The following ACADL variants were observed in gnomAD, a reference collection of about 807,000 sequenced individuals.
The protein encoded by ACADL is long-chain specific acyl-CoA dehydrogenase, mitochondrial.
A neutral mutation model predicts 56.9 loss-of-function variants in ACADL; 60 were observed. The observed-to-expected ratio is 1.05, with a 90% CI of 0.86 to 1.31. The LOEUF (loss-of-function observed/expected upper bound fraction) is 1.31. Among genes scored for constraint, ACADL ranks in the 50% most tolerant of loss-of-function variants. The pLI, the probability that ACADL is intolerant of heterozygous loss-of-function variation, is 0.00. For missense variants in ACADL, 484 were observed against 525.5 expected (o/e 0.92, Z 0.77); for synonymous variants, 158 against 179.7 (o/e 0.88, Z 0.97).
chr2:210,202,526 G>A (rs1194406719), intron 8 of ACADL, among the ~76,000 whole-genome samples: 5 of 152,088 alleles, frequency 3.3e-5, no homozygotes, highest in Non-Finnish European at 7.4e-5. Flanking sequence ...TCCCTCTCCT[G>A]TTGATGGGAA....
chr2:210,195,408 A>C, intron 8 of ACADL, 70 bp from the exon 9 acceptor site: 1 of 1,469,026 alleles, frequency 6.8e-7, no homozygotes, highest in Non-Finnish European at 9.5e-7. Flanking sequence ...CACTTAACAT[A>C]TCAGAAATTA....
At chr2:210,214,036 A>AATAAG (rs1013930044) in intron 4 of ACADL, among the ~76,000 whole-genome samples, 4 of 151,800 alleles carry the variant, frequency 2.6e-5, no homozygotes, top group African/African-American at 4.8e-5. Flanking sequence ...AAAATAATAA[A>AATAAG]ATAAACATGA....
At chr2:210,202,306 T>C (rs1440673003) in intron 8 of ACADL, among the ~76,000 whole-genome samples, 1 of 152,184 alleles carries the variant, frequency 6.6e-6, no homozygotes, top group East Asian at 1.9e-4. Context: ...TTGGCCACGC[T>C]AGTCTCGAAC....
chr2:210,221,085 T>C (rs943780682), intron 1 of ACADL, among the ~76,000 whole-genome samples: 1 of 152,178 alleles, frequency 6.6e-6, no homozygotes, highest in African/African-American at 2.4e-5. Context: ...CAGGTCTGAC[T>C]TGAGGTGAAA....
chr2:210,222,508 C>CAAAAAAAAAAAAAAAAA (rs797000679), intron 1 of ACADL, among the ~76,000 whole-genome samples: 4 of 81,404 alleles, frequency 4.9e-5, no homozygotes, highest in African/African-American at 3.8e-5. Context: ...AACAAACAAA[C>CAAAAAAAAAAAAAAAAA]AAAAAAAAAA....
Position 210,192,946 on chromosome 2 carries a change from G to A in ACADL, c.1113-56C>T, listed in dbSNP as rs1479493605. The A allele has an allele frequency of 7.9e-6, 11 of 1,391,140 alleles. No individual in the cohort carries two copies. The African/African-American group carries it at 1.1e-4, about 14-fold the overall frequency. 86.2% of individuals were successfully genotyped at this position (1,391,140 alleles called of 1,614,324 possible). ...AATGTTTGAAATGGATTTTCATGAG[G>A]TGCTTCAAAACCAGAAAACTAATTA... is the stretch of plus-strand genomic sequence containing the variant. On this transcript the variant is annotated intron_variant, in intron 9 of 10. Transcript: ENST00000233710.
Position 210,191,545 on chromosome 2 carries a change from A to G in ACADL, c.1199+1259T>C, listed in dbSNP as rs573257795. Among the ~76,000 whole-genome samples, 3 of 152,336 alleles carry G rather than the reference A, an allele frequency of 2.0e-5. No homozygotes were observed. In the East Asian group the frequency reaches 5.8e-4, roughly 29 times the overall value. On this transcript the variant is annotated intron_variant, in intron 10 of 10. Coordinates refer to ENST00000233710, the MANE Select transcript of ACADL (RefSeq NM_001608.4). ...TAAACCACACAAACATTGAGCCACT[A>G]CATAGCTTCTGTTCTTAATGTAATT...
At chr2:210,200,928 A>G (rs1404487127) in intron 8 of ACADL, among the ~76,000 whole-genome samples, 1 of 152,184 alleles carries the variant, frequency 6.6e-6, no homozygotes, top group Non-Finnish European at 1.5e-5. Flanking sequence ...CAAGCGCTTT[A>G]TGTATATTAC....
chr2:210,210,233 T>G lies in ACADL; in HGVS notation c.566A>C (p.Lys189Thr). 9 of 1,612,860 alleles carry G rather than the reference T, an allele frequency of 5.6e-6. 1 individual carries two copies. The Middle Eastern group carries it at 1.5e-3, about 267-fold the overall frequency. The change falls in exon 5 of 11, where the codon AAA becomes ACA. Residue 189 changes from lysine to threonine, a missense_variant. By Grantham distance (78) the Lys-to-Thr change is moderately conservative. Transcript: ENST00000233710. ...SDLQGIKTNA[K>T]KDGSDWILNG... ...GAGAATCCAGTCACTTCCATCCTTT[T>G]TAGCATTTGTTTTTATTCCCTGTAA...
At chr2:210,208,582 T>C (rs1245200363) in intron 5 of ACADL, among the ~76,000 whole-genome samples, 1 of 152,082 alleles carries the variant, frequency 6.6e-6, no homozygotes, top group African/African-American at 2.4e-5. Flanking sequence ...CAGAAAATCA[T>C]TGCAGATATT....
Position 210,188,980 on chromosome 2 carries a change from T to G in ACADL, c.1274A>C (p.Glu425Ala), listed in dbSNP as rs751128035. 1.2e-6 allele frequency: 2 copies of G among 1,613,120 alleles called. No individual in the cohort carries two copies. The highest frequency in any genetic ancestry group is 2.2e-5 in the South Asian group (2 of 91,062). The change falls in exon 11 of 11, where the codon GAG becomes GCG. Residue 425 changes from glutamate (E) to alanine (A), a missense_variant. Transcript: ENST00000233710. Reference sequence around the variant, plus strand: ...AGATGTCTACTTGTCAAAGACAATCTCTCTTGCAATCAGCTCCTTCATTAT... The same window carrying G: ...AGATGTCTACTTGTCAAAGACAATCGCTCTTGCAATCAGCTCCTTCATTAT... ...NEIMKELIAR[E>A]IVFDK is the part of the protein sequence containing the mutation.
chr2:210,224,664 C>T (rs1689236146), intron 1 of ACADL: 6 of 985,966 alleles, frequency 6.1e-6, no homozygotes, highest in Non-Finnish European at 7.2e-6. Flanking sequence ...CATTTCTAGC[C>T]CAGTTTGTCC....
At chr2:210,206,060 CAG>C (rs111941743) in intron 5 of ACADL, among the ~76,000 whole-genome samples, 6 of 151,674 alleles carry the variant, frequency 4.0e-5, no homozygotes, top group African/African-American at 9.7e-5. Flanking sequence ...TAATAATAAA[CAG>C]AGATTATTAT....
chr2:210,190,669 A>G (rs1427389423), intron 10 of ACADL, among the ~76,000 whole-genome samples: 1 of 152,106 alleles, frequency 6.6e-6, no homozygotes. Flanking sequence ...GACTTATTAA[A>G]TAAACCCACA....
At position 210,195,265 on chromosome 2, in the gene ACADL, T is replaced by C; in HGVS notation, c.1058A>G (p.Gln353Arg). The C allele has an allele frequency of 6.2e-7, 1 of 1,613,976 alleles. No individual in the cohort carries two copies. Among genetic ancestry groups the C allele is most frequent in the Non-Finnish European group, 8.5e-7 (1 of 1,179,924 alleles). Residue 353 changes from glutamine (Q) to arginine (R), a missense_variant, in exon 9 of 11, where the codon CAG (glutamine) becomes CGG (arginine). Coordinates refer to ENST00000233710, the MANE Select transcript of ACADL (RefSeq NM_001608.4). Reference protein sequence around the residue: ...VTRAFVDNCLQLHEAKRLDSA... With the variant: ...VTRAFVDNCLRLHEAKRLDSA... The stretch of plus-strand genomic sequence containing the variant: ...GTCCAAACGTTTCGCTTCATGCAGC[T>C]GGAGACAGTTGTCCACAAATGCTCG...
chr2:210,214,509 A>AAGAAAGAAAGAAAGAAAGAAAGAAAGAG (rs1553690970), intron 4 of ACADL, among the ~76,000 whole-genome samples: 24 of 18,934 alleles, frequency 1.3e-3, no homozygotes, highest in Non-Finnish European at 2.4e-3. Flanking sequence ...GAAAGAAAGA[A>AAGAAAGAAAGAAAGAAAGAAAGAAAGAG]AAAGAAAGAA....
At chr2:210,189,203 A>C (rs1688593436) in intron 10 of ACADL, 149 bp from the exon 11 acceptor site, 1 of 597,706 alleles carries the variant, frequency 1.7e-6, no homozygotes, top group Admixed American at 3.1e-5. Flanking sequence ...TATGGCATTC[A>C]TCCTAAATTG....
intron 1 of ACADL, among the ~76,000 whole-genome samples, chr2:210,222,013 G>GC (rs1457170726): frequency 2.0e-5 from 3 of 152,134 alleles, no homozygotes; most frequent in Admixed American, 1.3e-4. Flanking sequence ...ACAGGCATGA[G>GC]CTATTGTGCC....
At chr2:210,197,571 G>T (rs971888932) in intron 8 of ACADL, among the ~76,000 whole-genome samples, 5 of 152,092 alleles carry the variant, frequency 3.3e-5, no homozygotes, top group Non-Finnish European at 7.3e-5. Context: ...CCTGAAGATG[G>T]TTTCTAAGCC....
Sources: allele counts gnomAD v4.1 joint callset (sites outside exome capture counted in the v4.1 genomes callset), GRCh38; gene constraint gnomAD v4.1.1; transcripts MANE v1.5; gene names NCBI Gene and HGNC (gene_info 2026-07-23, HGNC 2026-07-21).